VAC14: variants seen among roughly 807,000 people sequenced by gnomAD.
VAC14 encodes VAC14 component of PIKFYVE complex.
A neutral mutation model predicts 85.3 loss-of-function variants in VAC14; 47 were observed. The ratio of observed to expected loss-of-function variants is 0.55; its 90% CI spans 0.44 to 0.70. VAC14 has a LOEUF of 0.70. Ranked by LOEUF, VAC14 falls within the 30% of genes least tolerant of loss-of-function variation. VAC14 has a pLI of 0.00. For synonymous variants in VAC14, 447 were observed against 430.5 expected (o/e 1.04, Z -0.47); for missense variants, 861 against 1,004.3 (o/e 0.86, Z 1.93).
Position 70,696,948 on chromosome 16 carries a change from A to G in VAC14, c.1955+191T>C. ...CTCCAAGAGCCCCTCTTTGCTGCCA[A>G]TCTCGCTCTCCCAAATACGTCCCTC... On this transcript the variant is annotated intron_variant, in intron 16 of 18. Transcript: ENST00000261776. 3 of 544,568 alleles carry G rather than the reference A, an allele frequency of 5.5e-6. No individual in the cohort carries two copies. In the South Asian group the frequency reaches 6.0e-5, roughly 11 times the overall value. 33.7% of individuals were successfully genotyped at this position (544,568 alleles called of 1,614,324 possible).
intron 12 of VAC14, among the ~76,000 whole-genome samples, chr16:70,759,731 C>A (rs1383548787): frequency 6.6e-6 from 1 of 152,196 alleles, no homozygotes; most frequent in East Asian, 1.9e-4. Flanking sequence ...GACCACAAAA[C>A]CTTCCCCTGG....
chr16:70,694,622 C>CG (rs986804600), intron 17 of VAC14, among the ~76,000 whole-genome samples: 1 of 152,138 alleles, frequency 6.6e-6, no homozygotes, highest in African/African-American at 2.4e-5. Flanking sequence ...TGGGAGAGGC[C>CG]GGGTGGCCAG....
chr16:70,717,930 G>A (rs2054202281), intron 14 of VAC14, among the ~76,000 whole-genome samples: 2 of 152,196 alleles, frequency 1.3e-5, no homozygotes, highest in African/African-American at 4.8e-5. Flanking sequence ...TGGGATTACT[G>A]GCATGAGCCA....
At chr16:70,691,172 G>A (rs2053588230) in intron 18 of VAC14, 1 of 985,402 alleles carries the variant, frequency 1.0e-6, no homozygotes. Context: ...TTCTACCCTG[G>A]TTTGAGGAGT....
intron 4 of VAC14, among the ~76,000 whole-genome samples, chr16:70,784,553 C>T (rs891006279): frequency 2.0e-5 from 3 of 152,000 alleles, no homozygotes; most frequent in East Asian, 3.9e-4. Flanking sequence ...CTCTAGGTGG[C>T]GGCAACAAAA....
intron 10 of VAC14, among the ~76,000 whole-genome samples, chr16:70,764,927 T>A (rs1246890833): frequency 5.3e-5 from 8 of 152,120 alleles, no homozygotes; most frequent in Non-Finnish European, 1.0e-4. Context: ...TTATCTCCCA[T>A]TCCCTCTTTT....
chr16:70,757,130 G>A (rs186733918), intron 12 of VAC14, among the ~76,000 whole-genome samples: 15 of 152,252 alleles, frequency 9.9e-5, no homozygotes, highest in South Asian at 4.1e-4. Context: ...TGTTAAGGAC[G>A]CCCCGGCTCT....
chr16:70,785,999 A>T (rs951889701), intron 2 of VAC14, 130 bp from the exon 3 acceptor site: 1 of 1,333,866 alleles, frequency 7.5e-7, no homozygotes, highest in Non-Finnish European at 1.0e-6. Flanking sequence ...GGGCTCAAAG[A>T]CCCTTCCCAA....
intron 9 of VAC14, among the ~76,000 whole-genome samples, chr16:70,779,938 G>A (rs777142033): frequency 8.6e-5 from 13 of 151,948 alleles, no homozygotes; most frequent in Admixed American, 5.9e-4. Context: ...GGGCTCCTGG[G>A]CTCAAGTGAT....
At chr16:70,742,873 A>C (rs1280320333) in intron 13 of VAC14, among the ~76,000 whole-genome samples, 1 of 152,250 alleles carries the variant, frequency 6.6e-6, no homozygotes, top group African/African-American at 2.4e-5. Flanking sequence ...AGGCAGCTGG[A>C]CTTCCTCGGT....
chr16:70,701,769 C>T (rs1268307480), intron 14 of VAC14, among the ~76,000 whole-genome samples: 1 of 152,234 alleles, frequency 6.6e-6, no homozygotes, highest in African/African-American at 2.4e-5. Context: ...GGGTCTCACA[C>T]CTCTCGCTGG....
rs2032526839 is a variant in VAC14 at position 70,763,011 on chromosome 16, G to A, written c.1175C>T (p.Pro392Leu). ...GATCCCGTCGAGGTGAAGGGTCACT[G>A]GGGCTCTTTCAGTGCTGTGGGTAAG... ...VFTAASTERA[P>L]VTLHLDGIVQ... The change falls in exon 11 of 19, where the codon CCA becomes CTA. Residue 392 changes from proline to leucine, a missense_variant. Around this residue, in one of 3 missense-constraint regions of VAC14, gnomAD observed 629 missense variants for 703.1 expected, o/e 0.89. Transcript: ENST00000261776. The A allele has an allele frequency of 1.2e-6, 2 of 1,614,216 alleles. No individual in the cohort carries two copies. Among genetic ancestry groups the A allele is most frequent in the African/African-American group, 1.3e-5 (1 of 75,052 alleles).
chr16:70,785,602 C>G (rs1390127532), intron 3 of VAC14, 100 bp downstream of exon 3: 1 of 1,390,742 alleles, frequency 7.2e-7, no homozygotes, highest in Non-Finnish European at 9.6e-7. Context: ...TGCTTGTTTG[C>G]TCTGCTTGCA....
chr16:70,713,714 T>G lies in VAC14; in HGVS notation c.1662-14903A>C, dbSNP rs569593826. ...TCAGGAGCATCTTTGTTTTTGTTTT[T>G]TTTTTTTTTTGTAGAGATGGGGTCT... On this transcript the variant is annotated intron_variant, in intron 14 of 18. Coordinates refer to ENST00000261776, the MANE Select transcript of VAC14 (RefSeq NM_018052.5). Among the ~76,000 whole-genome samples the G allele has an allele frequency of 5.3e-5, 8 of 151,632 alleles. No homozygotes were observed. The East Asian group carries it at 9.7e-4, about 18-fold the overall frequency.
intron 13 of VAC14, among the ~76,000 whole-genome samples, chr16:70,743,499 G>A (rs544644363): frequency 5.3e-5 from 8 of 152,306 alleles, no homozygotes; most frequent in South Asian, 4.1e-4. Flanking sequence ...AACACTTGCC[G>A]CAAAGGTCCG....
chr16:70,730,722 T>G (rs574966763), intron 14 of VAC14, among the ~76,000 whole-genome samples: 3 of 151,812 alleles, frequency 2.0e-5, no homozygotes, highest in Non-Finnish European at 4.4e-5. Context: ...CTCAGCCTCT[T>G]GAGTAGCTGG....
intron 13 of VAC14, among the ~76,000 whole-genome samples, chr16:70,736,182 TCA>T (rs1199398028): frequency 6.6e-6 from 1 of 152,194 alleles, no homozygotes; most frequent in Non-Finnish European, 1.5e-5. Context: ...TGTTTAAGCC[TCA>T]GTTTCCTCAT....
At chr16:70,729,550 G>T (rs968399689) in intron 14 of VAC14, among the ~76,000 whole-genome samples, 1 of 152,052 alleles carries the variant, frequency 6.6e-6, no homozygotes, top group Non-Finnish European at 1.5e-5. Flanking sequence ...GCAGCGGCTC[G>T]CAGCAGACCA....
At chr16:70,781,497 T>G (rs532444586) in intron 8 of VAC14, among the ~76,000 whole-genome samples, 2 of 152,324 alleles carry the variant, frequency 1.3e-5, no homozygotes, top group East Asian at 3.9e-4. Context: ...GCCCCTGCTC[T>G]CCTTGTCATA....
Sources: gnomAD v4.1 joint callset for allele counts (sites outside exome capture counted in the v4.1 genomes callset) on GRCh38, gnomAD v4.1.1 for gene constraint, gnomAD v4.1.1 regional missense constraint, MANE v1.5 for transcripts, NCBI Gene and HGNC (gene_info 2026-07-23, HGNC 2026-07-21) for gene names.